Variants in ZNF536 observed in about 807,000 individuals in gnomAD.
ZNF536 encodes zinc finger protein 536.
Under a neutral mutation model 84.5 loss-of-function variants are expected in ZNF536, and 13 were observed. The ratio of observed to expected loss-of-function variants is 0.15; its 90% CI spans 0.10 to 0.24. The LOEUF is 0.24. ZNF536 is among the 10% of genes least tolerant of loss of function. The pLI is 1.00. For missense variants in ZNF536, 1,536 were observed against 1,747.5 expected (o/e 0.88, Z 2.16); for synonymous variants, 811 against 742.5 (o/e 1.09, Z -1.50).
At chr19:30,673,088 T>C (rs1446177583) in intron 1 of ZNF536, among the ~76,000 whole-genome samples, 1 of 152,150 alleles carries the variant, frequency 6.6e-6, no homozygotes. Context: ...CCCAGGGGAA[T>C]GGGTGAGGAC....
intron 1 of ZNF536, among the ~76,000 whole-genome samples, chr19:30,242,935 A>G (rs539844886): frequency 6.6e-6 from 1 of 152,324 alleles, no homozygotes; most frequent in South Asian, 2.1e-4. Context: ...ATGGTTAAGT[A>G]AATTTCATTA....
chr19:30,234,828 C>T (rs2023366229), intron 1 of ZNF536, among the ~76,000 whole-genome samples: 3 of 152,094 alleles, frequency 2.0e-5, no homozygotes, highest in Non-Finnish European at 2.9e-5. Flanking sequence ...TGAAAGCCCA[C>T]CTAAAATCGA....
At chr19:30,393,481 G>A (rs1446213792) in intron 1 of ZNF536, among the ~76,000 whole-genome samples, 1 of 152,250 alleles carries the variant, frequency 6.6e-6, no homozygotes, top group East Asian at 1.9e-4. Context: ...AGTCTGGAGA[G>A]AGGGGCAGAT....
intron 2 of ZNF536, among the ~76,000 whole-genome samples, chr19:30,307,538 T>C (rs890798459): frequency 4.3e-4 from 66 of 152,268 alleles, no homozygotes; most frequent in African/African-American, 1.3e-3. Context: ...GCCTTTTTTT[T>C]CCTCTGTTCC....
intron 1 of ZNF536, among the ~76,000 whole-genome samples, chr19:30,237,377 C>G (rs955991147): frequency 1.3e-5 from 2 of 152,104 alleles, no homozygotes; most frequent in Non-Finnish European, 2.9e-5. Context: ...GTGAAAGGGC[C>G]AGGCAGCCTG....
At chr19:30,465,258 C>A (rs189155250) in intron 2 of ZNF536, among the ~76,000 whole-genome samples, 1 of 152,260 alleles carries the variant, frequency 6.6e-6, no homozygotes, top group Admixed American at 6.5e-5. Flanking sequence ...TCCCCGCAGA[C>A]CATCCTGTTA....
intron 1 of ZNF536, among the ~76,000 whole-genome samples, chr19:30,405,902 C>T (rs904031003): frequency 6.6e-5 from 10 of 152,036 alleles, no homozygotes; most frequent in African/African-American, 2.4e-4. Context: ...CTCAGCCTCC[C>T]GAGTAGCTGG....
chr19:30,317,172 T>C (rs747302755), intron 2 of ZNF536, among the ~76,000 whole-genome samples: 11 of 152,214 alleles, frequency 7.2e-5, no homozygotes, highest in Non-Finnish European at 1.6e-4. Context: ...AGACAGCCAC[T>C]ACACCTTGAA....
chr19:30,494,631 A>G (rs532356646), intron 2 of ZNF536, among the ~76,000 whole-genome samples: 3 of 152,216 alleles, frequency 2.0e-5, no homozygotes, highest in African/African-American at 7.2e-5. Context: ...ACCCAAGGAC[A>G]TTGCTCCAAA....
chr19:30,543,110 C>G (rs770034712), intron 3 of ZNF536, among the ~76,000 whole-genome samples: 1 of 152,168 alleles, frequency 6.6e-6, no homozygotes, highest in Non-Finnish European at 1.5e-5. Flanking sequence ...CATGCCTGGC[C>G]GAGACTTTTC....
intron 1 of ZNF536, among the ~76,000 whole-genome samples, chr19:30,707,296 A>G (rs2052281844): frequency 6.6e-6 from 1 of 152,106 alleles, no homozygotes; most frequent in South Asian, 2.1e-4. Flanking sequence ...CCTTCAGTCT[A>G]TGCCCTAACT....
At chr19:30,440,478 A>G (rs1357185688) in intron 1 of ZNF536, among the ~76,000 whole-genome samples, 2 of 152,158 alleles carry the variant, frequency 1.3e-5, no homozygotes, top group Non-Finnish European at 2.9e-5. Context: ...TCACTCATTC[A>G]TCCATTCACT....
intron 2 of ZNF536, among the ~76,000 whole-genome samples, chr19:30,520,329 G>A (rs976654450): frequency 2.6e-5 from 4 of 152,162 alleles, no homozygotes; most frequent in South Asian, 4.2e-4. Flanking sequence ...AGCCCCCAGC[G>A]TGTAGGACTG....
At chr19:30,649,129 C>T (rs796769215) in intron 1 of ZNF536, among the ~76,000 whole-genome samples, 11 of 152,312 alleles carry the variant, frequency 7.2e-5, no homozygotes, top group African/African-American at 2.6e-4. Flanking sequence ...GGAGGACAGT[C>T]CTCTGTCAGC....
chr19:30,375,034 G>A (rs1182169144), intron 1 of ZNF536, among the ~76,000 whole-genome samples: 1 of 151,830 alleles, frequency 6.6e-6, no homozygotes, highest in East Asian at 1.9e-4. Context: ...AAGGTGAGGG[G>A]AAATGGGACA....
chr19:30,664,965 T>C (rs1022030154), intron 1 of ZNF536, among the ~76,000 whole-genome samples: 1 of 152,204 alleles, frequency 6.6e-6, no homozygotes, highest in African/African-American at 2.4e-5. Context: ...AGAGGCTCCA[T>C]GAGAGTAAAG....
chr19:30,252,524 C>T (rs1429110582), intron 1 of ZNF536, among the ~76,000 whole-genome samples: 1 of 152,166 alleles, frequency 6.6e-6, no homozygotes, highest in African/African-American at 2.4e-5. Flanking sequence ...TGCGAATGGA[C>T]CCTGGGTCTT....
intron 2 of ZNF536, among the ~76,000 whole-genome samples, chr19:30,316,381 C>G (rs1420416514): frequency 6.6e-6 from 1 of 152,204 alleles, no homozygotes; most frequent in African/African-American, 2.4e-5. Flanking sequence ...AACTAGCTAT[C>G]TTTTCATATC....
At chr19:30,571,932 G>A (rs1446039974) in intron 1 of ZNF536, among the ~76,000 whole-genome samples, 1 of 152,154 alleles carries the variant, frequency 6.6e-6, no homozygotes, top group African/African-American at 2.4e-5. Flanking sequence ...CAGAGACAAG[G>A]GGTGGTCTTG....
Sources: allele counts gnomAD v4.1 joint callset (sites outside exome capture counted in the v4.1 genomes callset), GRCh38; gene constraint gnomAD v4.1.1; transcripts MANE v1.5; gene names NCBI Gene and HGNC (gene_info 2026-07-23, HGNC 2026-07-21).